Variants in LAG3 observed in about 807,000 individuals in gnomAD.
LAG3 encodes the protein lymphocyte activation gene 3 protein.
Under a neutral mutation model 49.0 loss-of-function variants are expected in LAG3, and 29 were observed. The ratio of observed to expected loss-of-function variants is 0.59; its 90% CI spans 0.44 to 0.81. The LOEUF (loss-of-function observed/expected upper bound fraction) is 0.81, where lower values mean the gene tolerates loss of function less well. Ranked by LOEUF, LAG3 falls within the 30% of genes least tolerant of loss-of-function variation. The probability of loss-of-function intolerance (pLI) is 0.00; values close to 1 mark genes in which losing one functional copy is unlikely to be tolerated. For synonymous variants in LAG3, 320 were observed against 297.3 expected (o/e 1.08, Z -0.79); for missense variants, 693 against 695.2 (o/e 1.00, Z 0.04).
chr12:6,775,046 T>G (rs1024538833), intron 4 of LAG3, among the ~76,000 whole-genome samples, 182 bp downstream of exon 4: 1 of 152,156 alleles, frequency 6.6e-6, no homozygotes, highest in Admixed American at 6.5e-5. Flanking sequence ...CACCCCTTCT[T>G]GCTTCTCCCG....
At chr12:6,775,124 C>A in intron 4 of LAG3, 149 bp from the exon 5 acceptor site, 1 of 1,000,498 alleles carries the variant, frequency 1.0e-6, no homozygotes, top group Non-Finnish European at 1.5e-6. Flanking sequence ...GGTTTCTGAG[C>A]CTCCTCAGCT....
At position 6,772,782 on chromosome 12, in the gene LAG3, C is replaced by T. The variant is rs1010112118; in HGVS notation, c.-71C>T. 9.1e-6 allele frequency: 10 copies of T among 1,102,682 alleles called. No individual in the cohort carries two copies. The highest frequency in any genetic ancestry group is 2.0e-5 in the Admixed American group (1 of 49,688). The allele number at this position is 1,102,682 out of a possible 1,614,324, so 68.3% of individuals were successfully genotyped here. A position where few individuals can be genotyped will look rare whatever the true frequency, so the allele number is the denominator to read the frequency against. ...CAGAACTTCTCCTTTACCCCCCACC[C>T]CCCACCACTGCCCCCTTTCCTTTTC... On this transcript the variant is annotated 5_prime_UTR_variant, in exon 1 of 8. Coordinates refer to ENST00000203629, the MANE Select transcript of LAG3 (RefSeq NM_002286.6).
chr12:6,774,509 T>A, intron 3 of LAG3, 86 bp from the exon 4 acceptor site: 2 of 1,479,526 alleles, frequency 1.4e-6, no homozygotes, highest in Non-Finnish European at 1.8e-6. Context: ...CAGGTGCCTG[T>A]TTCCAGGAGC....
rs781221749 is a variant in LAG3 at position 6,773,260 on chromosome 12, C to G, written c.127C>G (p.Pro43Ala). Residue 43 changes from proline to alanine, a missense_variant, in exon 2 of 8, where the codon CCC becomes GCC. Physicochemically the swap from Pro to Ala is conservative, Grantham distance 27. Coordinates refer to ENST00000203629, the MANE Select transcript of LAG3 (RefSeq NM_002286.6). The surrounding 1 kb of genome is among the most constrained non-coding windows in gnomAD (Gnocchi z 5.5). ...WAQEGAPAQLPCSPTIPLQDL... is the reference protein window; with the variant it reads ...WAQEGAPAQLACSPTIPLQDL... ...CCAGGAGGGGGCTCCTGCCCAGCTC[C>G]CCTGCAGCCCCACAATCCCCCTCCA... is the stretch of plus-strand genomic sequence containing the variant. 29 of 1,613,354 alleles carry G rather than the reference C, an allele frequency of 1.8e-5. No homozygotes were observed. Among genetic ancestry groups the G allele is most frequent in the Non-Finnish European group, 1.7e-5 (20 of 1,179,752 alleles).
Position 6,775,347 on chromosome 12 carries a change from G to A in LAG3, c.856G>A (p.Ala286Thr). 6.2e-7 allele frequency: 1 copy of A among 1,614,222 alleles called. No homozygotes were observed. The highest frequency in any genetic ancestry group is 8.5e-7 in the Non-Finnish European group (1 of 1,180,046). ...SRVGLPCRLP[A>T]GVGTRSFLTA... ...GGTGGGGCTGCCCTGCCGCCTGCCT[G>A]CTGGTGTGGGGACCCGGTCTTTCCT... is the stretch of plus-strand genomic sequence containing the variant. Residue 286 changes from alanine (A) to threonine (T), a missense_variant, in exon 5 of 8, where the codon GCT becomes ACT. Ala to Thr is a moderately conservative substitution (Grantham distance 58). Transcript: ENST00000203629.
At chr12:6,776,102 G>A (rs530401730) in intron 5 of LAG3, among the ~76,000 whole-genome samples, 6 of 152,240 alleles carry the variant, frequency 3.9e-5, no homozygotes, top group Non-Finnish European at 1.5e-5. Context: ...ACGCACCTGC[G>A]GCCACTCAGT....
chr12:6,773,024 C>CT lies in LAG3; in HGVS notation c.58+120dup, dbSNP rs1941861119. On this transcript the variant is annotated intron_variant, in intron 1 of 7. Transcript: ENST00000203629. This position sits in a 1 kb window ranked among gnomAD's most constrained non-coding sequence, Gnocchi z 5.5. ...TTAGCTCTGTGGATTCTTCTAATCC[C>CT]TTTTTTGGGCAGTCCTTCCACCCCG... 5 of 1,386,298 alleles carry CT rather than the reference C, an allele frequency of 3.6e-6. No homozygotes were observed. Among genetic ancestry groups the CT allele is most frequent in the Non-Finnish European group, 5.0e-6 (5 of 991,124 alleles). 85.9% of individuals were successfully genotyped at this position (1,386,298 alleles called of 1,614,324 possible).
chr12:6,774,142 G>T, intron 3 of LAG3, 141 bp downstream of exon 3: 1 of 1,296,504 alleles, frequency 7.7e-7, no homozygotes, highest in Non-Finnish European at 9.9e-7. Flanking sequence ...AAGGGGGTGG[G>T]CGGCCTGCTG....
Position 6,773,684 on chromosome 12 carries a change from C to G in LAG3, c.207-13C>G. ...CCCTGGAGCTTCTCAACTCCATTCT[C>G]TTTCCCGCCCAGTGGCCCGCCCGCT... On this transcript the variant is annotated splice_polypyrimidine_tract_variant and intron_variant, in intron 2 of 7. Coordinates refer to ENST00000203629, the MANE Select transcript of LAG3 (RefSeq NM_002286.6). The surrounding 1 kb of genome is among the most constrained non-coding windows in gnomAD (Gnocchi z 5.5). 1.5e-6 allele frequency: 2 copies of G among 1,359,516 alleles called. No individual in the cohort carries two copies. Among genetic ancestry groups the G allele is most frequent in the South Asian group, 2.0e-5 (1 of 49,898 alleles). The allele number at this position is 1,359,516 out of a possible 1,614,324, so 84.2% of individuals were successfully genotyped here.
chr12:6,775,077 C>T (rs974051535), intron 4 of LAG3, among the ~76,000 whole-genome samples, 196 bp from the exon 5 acceptor site: 8 of 152,146 alleles, frequency 5.3e-5, no homozygotes, highest in African/African-American at 9.7e-5. Context: ...GCGTCATTGC[C>T]GGCCTTCCCT....
chr12:6,775,677 C>T lies in LAG3; in HGVS notation c.1057+129C>T, dbSNP rs1040825769. The T allele has an allele frequency of 5.9e-6, 5 of 850,534 alleles. No homozygotes were observed. In the African/African-American group the frequency reaches 8.5e-5, roughly 14 times the overall value. The allele number at this position is 850,534 out of a possible 1,614,324, so 52.7% of individuals were successfully genotyped here. On this transcript the variant is annotated intron_variant, in intron 5 of 7. Transcript: ENST00000203629. ...GGCCACTGGGCACAAGTTCCAGAGC[C>T]TGCCCATCTCGGCCCCCACTTTTCT...
rs755690669 is a variant in LAG3, at chr12:6,774,647, C to G, written c.564C>G (p.Asn188Lys). The G allele has an allele frequency of 6.2e-7, 1 of 1,614,154 alleles. No homozygotes were observed. The highest frequency in any genetic ancestry group is 1.1e-5 in the South Asian group (1 of 91,088). Residue 188 changes from asparagine (N) to lysine (K), a missense_variant, in exon 4 of 8, where the codon AAC (asparagine) becomes AAG (lysine). By Grantham distance (94) the Asn-to-Lys change is moderately conservative. Transcript: ENST00000203629. ...SLRASDWVIL[N>K]CSFSRPDRPA... ...GAGCCTCCGACTGGGTCATTTTGAACTGCTCCTTCAGCCGCCCTGACCGCC... is the reference window on the plus strand; with the variant it reads ...GAGCCTCCGACTGGGTCATTTTGAAGTGCTCCTTCAGCCGCCCTGACCGCC...
chr12:6,773,459 C>T lies in LAG3; in HGVS notation c.206+120C>T, dbSNP rs1036012346. 4 of 1,287,660 alleles carry T rather than the reference C, an allele frequency of 3.1e-6. No individual in the cohort carries two copies. In the African/African-American group the frequency reaches 6.0e-5, roughly 19 times the overall value. The allele number at this position is 1,287,660 out of a possible 1,614,324, so 79.8% of individuals were successfully genotyped here. Reference sequence around the variant, plus strand: ...CCCTCTGAAGCCAGTGACCCAGTCTCCCTGCCCTCGCTTGCACCGTTCCTG... The same window carrying T: ...CCCTCTGAAGCCAGTGACCCAGTCTTCCTGCCCTCGCTTGCACCGTTCCTG... On this transcript the variant is annotated intron_variant, in intron 2 of 7. Transcript: ENST00000203629. This position sits in a 1 kb window ranked among gnomAD's most constrained non-coding sequence, Gnocchi z 5.5.
chr12:6,778,311 AGGAGCTGGAGCAAGAACCGGAGCC>A lies in LAG3; in HGVS notation c.1505_1528del (p.Leu502_Glu509del), dbSNP rs1379794049. ...CCTCCGCAGGCTCAGAGCAAGATAG[AGGAGCTGGAGCAAGAACCGGAGCC>A]GGAGCCGGAGCCGGAACCGGAGCCC... On this transcript the variant is annotated inframe_deletion, in exon 8 of 8. Transcript: ENST00000203629. The A allele has an allele frequency of 6.2e-7, 1 of 1,613,490 alleles. No homozygotes were observed. Among genetic ancestry groups the A allele is most frequent in the African/African-American group, 1.3e-5 (1 of 74,852 alleles).
At position 6,778,326 on chromosome 12, in the gene LAG3, AACCGGAGCCGG is replaced by A; in HGVS notation, c.1516_1526del (p.Pro506AlafsTer21). The A allele has an allele frequency of 6.2e-7, 1 of 1,613,552 alleles. No individual in the cohort carries two copies. The highest frequency in any genetic ancestry group is 8.5e-7 in the Non-Finnish European group (1 of 1,179,810). ...AGCAAGATAGAGGAGCTGGAGCAAG[AACCGGAGCCGG>A]AGCCGGAGCCGGAACCGGAGCCCGA... On this transcript the variant is annotated frameshift_variant, in exon 8 of 8. Transcript: ENST00000203629. LOFTEE classifies it low-confidence loss of function (END_TRUNC).
chr12:6,776,142 T>C (rs1344389402), intron 5 of LAG3, among the ~76,000 whole-genome samples: 1 of 152,184 alleles, frequency 6.6e-6, no homozygotes, highest in African/African-American at 2.4e-5. Flanking sequence ...TGCTTAATAA[T>C]GTATAGAGAT....
intron 3 of LAG3, 99 bp from the exon 4 acceptor site, chr12:6,774,496 A>G: frequency 7.3e-7 from 1 of 1,374,362 alleles, no homozygotes; most frequent in Non-Finnish European, 9.9e-7. Context: ...ACAAGTCTAA[A>G]GCCAGGTGCC....
At chr12:6,774,110 A>G in intron 3 of LAG3, 109 bp downstream of exon 3, 9 of 1,325,958 alleles carry the variant, frequency 6.8e-6, no homozygotes, top group Non-Finnish European at 8.6e-6. Context: ...GCCCTGTCGG[A>G]GAGCTCCCAG....
chr12:6,778,183 C>T lies in LAG3; in HGVS notation c.1432-61C>T, dbSNP rs748089544. The T allele has an allele frequency of 1.1e-4, 165 of 1,486,564 alleles. 1 individual carries two copies. The highest frequency in any genetic ancestry group is 9.5e-4 in the Admixed American group (47 of 49,492). 92.1% of individuals were successfully genotyped at this position (1,486,564 alleles called of 1,614,324 possible). On this transcript the variant is annotated intron_variant, in intron 7 of 7. Coordinates refer to ENST00000203629, the MANE Select transcript of LAG3 (RefSeq NM_002286.6). ...GAGGGACTCAGTGTCCCTCCTCATC[C>T]GCTTCCCTTCATCCTTCTCCTCCTT...
Sources: allele counts gnomAD v4.1 joint callset (sites outside exome capture counted in the v4.1 genomes callset), GRCh38; gene constraint gnomAD v4.1.1; non-coding constraint Gnocchi (gnomAD v3.1); transcripts MANE v1.5; gene names NCBI Gene and HGNC (gene_info 2026-07-23, HGNC 2026-07-21).